SINHCAF: variants seen among roughly 807,000 people sequenced by gnomAD.
SINHCAF encodes SIN3-HDAC complex-associated factor.
Under a neutral mutation model 25.8 loss-of-function variants are expected in SINHCAF, and 3 were observed. The observed-to-expected ratio is 0.12, with a 90% CI of 0.05 to 0.30. SINHCAF has a LOEUF of 0.30. Among genes scored for constraint, SINHCAF ranks in the 10% least tolerant of loss-of-function variants. The probability of loss-of-function intolerance (pLI) is 1.00; values close to 1 mark genes in which losing one functional copy is unlikely to be tolerated. For synonymous variants in SINHCAF, 70 were observed against 85.5 expected (o/e 0.82, Z 1.00); for missense variants, 121 against 262.3 (o/e 0.46, Z 3.72).
At position 31,305,696 on chromosome 12, in the gene SINHCAF, A is replaced by ATT. The variant is rs751436938; in HGVS notation, c.-20-7474_-20-7473dup. On this transcript the variant is annotated intron_variant, in intron 1 of 5. Coordinates refer to ENST00000337682, the MANE Select transcript of SINHCAF (RefSeq NM_001135812.2). ...AATCAAAATACGGAAATATAGGCCA[A>ATT]TTTTTTTTTTTTTTTTTTTTTGAGA... 0.015 allele frequency among the ~76,000 whole-genome samples: 2,015 copies of ATT among 130,712 alleles called. 128 individuals carry two copies. The East Asian group carries it at 0.2, about 13-fold the overall frequency. The allele number at this position is 130,712 out of a possible 152,430, so 85.8% of individuals were successfully genotyped here.
chr12:31,282,383 A>C lies in SINHCAF; in HGVS notation c.*329T>G, dbSNP rs1014676550. On this transcript the variant is annotated 3_prime_UTR_variant, in exon 6 of 6. Transcript: ENST00000337682. Reference sequence around the variant, plus strand: ...TACTCTAGAAATTGTCTTTTGGCAGAATAGCAGGTATCCAAGTTAAAAATA... The same window carrying C: ...TACTCTAGAAATTGTCTTTTGGCAGCATAGCAGGTATCCAAGTTAAAAATA... The C allele has an allele frequency of 2.2e-5, 4 of 180,028 alleles. No individual in the cohort carries two copies. The highest frequency in any genetic ancestry group is 9.4e-5 in the African/African-American group (4 of 42,420). The allele number at this position is 180,028 out of a possible 1,614,324, so 11.2% of individuals were successfully genotyped here.
chr12:31,307,582 A>C (rs186693361), intron 1 of SINHCAF, among the ~76,000 whole-genome samples: 1 of 152,146 alleles, frequency 6.6e-6, no homozygotes, highest in East Asian at 1.9e-4. Flanking sequence ...GAGAGTGGCA[A>C]GGTTAGGATT....
chr12:31,283,234 T>C (rs917099972), intron 5 of SINHCAF, among the ~76,000 whole-genome samples: 1 of 152,178 alleles, frequency 6.6e-6, no homozygotes, highest in African/African-American at 2.4e-5. Context: ...ATTTTTTATA[T>C]ATATTTAATT....
intron 5 of SINHCAF, among the ~76,000 whole-genome samples, chr12:31,284,123 C>T (rs1197050393): frequency 6.6e-6 from 1 of 152,170 alleles, no homozygotes; most frequent in South Asian, 2.1e-4. Context: ...TACTCAAAAA[C>T]GGCCATTTAT....
chr12:31,304,775 C>T (rs1047254427), intron 1 of SINHCAF: 1 of 152,146 alleles, frequency 6.6e-6, no homozygotes, highest in African/African-American at 2.4e-5. Flanking sequence ...CCTCCATCTG[C>T]CACACTTTAG....
At chr12:31,300,486 T>C (rs907516760) in intron 1 of SINHCAF, among the ~76,000 whole-genome samples, 8 of 152,290 alleles carry the variant, frequency 5.3e-5, no homozygotes, top group African/African-American at 1.4e-4. Context: ...GCTTGGGAAT[T>C]TGATGTCTTT....
chr12:31,299,478 G>A lies in SINHCAF; in HGVS notation c.-20-1254C>T, dbSNP rs181207078. ...ACTACAGGTGCCCGCCACCACACCC[G>A]GCTAACTTTTTGTATTTTTAGTAGA... is the stretch of plus-strand genomic sequence containing the variant. On this transcript the variant is annotated intron_variant, in intron 1 of 5. Coordinates refer to ENST00000337682, the MANE Select transcript of SINHCAF (RefSeq NM_001135812.2). Among the ~76,000 whole-genome samples, 1,032 of 152,024 alleles carry A rather than the reference G, an allele frequency of 6.8e-3. 7 individuals are homozygous for A. Among genetic ancestry groups the A allele is most frequent in the Middle Eastern group, 0.02 (6 of 294 alleles).
At chr12:31,300,655 G>GA (rs1938750804) in intron 1 of SINHCAF, among the ~76,000 whole-genome samples, 1 of 152,090 alleles carries the variant, frequency 6.6e-6, no homozygotes, top group East Asian at 1.9e-4. Context: ...TGTTGCTTTG[G>GA]AAAAAACAAT....
At chr12:31,294,321 A>G (rs75062398) in intron 3 of SINHCAF, among the ~76,000 whole-genome samples, 10,310 of 152,198 alleles carry the variant, frequency 0.068, 878 homozygotes, top group East Asian at 0.26. Flanking sequence ...CAAAAAATAG[A>G]GCTACTTTTG....
chr12:31,322,985 G>A (rs749088718), intron 1 of SINHCAF, among the ~76,000 whole-genome samples: 10 of 152,178 alleles, frequency 6.6e-5, no homozygotes, highest in Non-Finnish European at 1.5e-4. Context: ...GAGGTAACCA[G>A]AAGGTCAACC....
At chr12:31,286,389 C>T (rs754828213) in intron 5 of SINHCAF, among the ~76,000 whole-genome samples, 1 of 151,986 alleles carries the variant, frequency 6.6e-6, no homozygotes, top group African/African-American at 2.4e-5. Context: ...GGGCTGGGCA[C>T]GGTGGCTCAC....
At chr12:31,292,424 C>T (rs546384755) in intron 4 of SINHCAF, among the ~76,000 whole-genome samples, 3 of 151,678 alleles carry the variant, frequency 2.0e-5, no homozygotes, top group South Asian at 2.1e-4. Flanking sequence ...GCTTGTACCC[C>T]AGAGGCAGAG....
At chr12:31,320,056 C>G (rs776302556) in intron 1 of SINHCAF, among the ~76,000 whole-genome samples, 78 of 152,184 alleles carry the variant, frequency 5.1e-4, no homozygotes, top group African/African-American at 1.7e-3. Flanking sequence ...TGTTCCTCAT[C>G]ATGGTGCATG....
At chr12:31,295,355 C>A in intron 2 of SINHCAF, 22 bp from the exon 3 acceptor site, 1 of 1,462,280 alleles carries the variant, frequency 6.8e-7, no homozygotes, top group Non-Finnish European at 9.6e-7. Context: ...ACAATCAAAC[C>A]TTTATCAGTC....
chr12:31,302,820 G>T, intron 1 of SINHCAF: 1 of 479,786 alleles, frequency 2.1e-6, no homozygotes, highest in Non-Finnish European at 2.7e-6. Context: ...ATTCCATCCT[G>T]CCTTTGTTCT....
chr12:31,288,357 C>A (rs1423891017), intron 4 of SINHCAF, among the ~76,000 whole-genome samples: 1 of 152,184 alleles, frequency 6.6e-6, no homozygotes, highest in African/African-American at 2.4e-5. Flanking sequence ...ACTGTGGACA[C>A]CTTTCCTAAC....
chr12:31,284,204 T>C (rs1169138431), intron 5 of SINHCAF, among the ~76,000 whole-genome samples: 1 of 152,188 alleles, frequency 6.6e-6, no homozygotes, highest in East Asian at 1.9e-4. Context: ...TCCCCAACAT[T>C]TGGTAATAGA....
chr12:31,288,146 C>A (rs1364571825), intron 4 of SINHCAF, among the ~76,000 whole-genome samples: 1 of 152,004 alleles, frequency 6.6e-6, no homozygotes, highest in Non-Finnish European at 1.5e-5. Flanking sequence ...GCCTCATAAT[C>A]CCCAGCTTTG....
At chr12:31,291,548 G>A (rs1938318378) in intron 4 of SINHCAF, among the ~76,000 whole-genome samples, 1 of 152,232 alleles carries the variant, frequency 6.6e-6, no homozygotes. Flanking sequence ...CAGATCACCT[G>A]AGGTCAGGAG....
Sources: allele counts gnomAD v4.1 joint callset (sites outside exome capture counted in the v4.1 genomes callset), GRCh38; gene constraint gnomAD v4.1.1; transcripts MANE v1.5; gene names NCBI Gene and HGNC (gene_info 2026-07-23, HGNC 2026-07-21).